Variants in CCNY observed in about 807,000 individuals in gnomAD.
CCNY encodes cyclin-Y.
CCNY carries 19 observed loss-of-function variants against 42.8 expected under a neutral mutation model. That is an observed-to-expected ratio of 0.44 (90% CI 0.31 to 0.65). The LOEUF (loss-of-function observed/expected upper bound fraction) is 0.65, where lower values mean the gene tolerates loss of function less well. CCNY is among the 30% of genes least tolerant of loss of function. The pLI is 0.07. For synonymous variants in CCNY, 165 were observed against 162.7 expected (o/e 1.01, Z -0.11); for missense variants, 370 against 437.3 (o/e 0.85, Z 1.37).
At chr10:35,379,740 G>A (rs115800294) in intron 1 of CCNY, among the ~76,000 whole-genome samples, 52 of 152,322 alleles carry the variant, frequency 3.4e-4, no homozygotes, top group African/African-American at 1.2e-3. Context: ...CAGGGATGTT[G>A]CTTTCTTTTA....
intron 1 of CCNY, among the ~76,000 whole-genome samples, chr10:35,342,676 C>T (rs550968666): frequency 5.3e-4 from 81 of 152,274 alleles, no homozygotes; most frequent in African/African-American, 1.9e-3. Context: ...GGCCAACAAC[C>T]GTGCTAATTA....
chr10:35,372,860 T>C (rs1246133507), intron 1 of CCNY, among the ~76,000 whole-genome samples: 14 of 152,102 alleles, frequency 9.2e-5, no homozygotes, highest in Non-Finnish European at 1.5e-4. Flanking sequence ...CCACCACACC[T>C]GGCTAATTTT....
intron 1 of CCNY, among the ~76,000 whole-genome samples, chr10:35,425,238 T>C (rs150600913): frequency 8.5e-5 from 13 of 152,352 alleles, no homozygotes; most frequent in African/African-American, 3.1e-4. Context: ...TTCATTTGAC[T>C]TACTCTTTGT....
At chr10:35,414,468 G>A (rs1227626551) in intron 1 of CCNY, among the ~76,000 whole-genome samples, 1 of 152,200 alleles carries the variant, frequency 6.6e-6, no homozygotes, top group African/African-American at 2.4e-5. Context: ...ACTTGCAGGG[G>A]GGAAGTCATT....
intron 3 of CCNY, among the ~76,000 whole-genome samples, chr10:35,502,958 G>A (rs1304162293): frequency 6.6e-6 from 1 of 152,172 alleles, no homozygotes; most frequent in African/African-American, 2.4e-5. Context: ...GTTCACTGCA[G>A]CTCCATGGAA....
At chr10:35,541,417 C>T (rs190758186) in intron 7 of CCNY, among the ~76,000 whole-genome samples, 38 of 152,194 alleles carry the variant, frequency 2.5e-4, no homozygotes, top group African/African-American at 8.7e-4. Flanking sequence ...ATTATTTTTG[C>T]GACGGATCTC....
chr10:35,403,622 C>T (rs927959067), intron 1 of CCNY, among the ~76,000 whole-genome samples: 1 of 152,110 alleles, frequency 6.6e-6, no homozygotes, highest in Non-Finnish European at 1.5e-5. Flanking sequence ...ATGGAGGACC[C>T]TTGCATAGTG....
intron 8 of CCNY, among the ~76,000 whole-genome samples, chr10:35,554,525 G>A (rs1035711733): frequency 1.3e-5 from 2 of 152,288 alleles, no homozygotes; most frequent in African/African-American, 4.8e-5. Context: ...ATTTGGGTGC[G>A]AGGTATAAGA....
At chr10:35,261,053 G>A (rs904899503) in intron 3 of CCNY, among the ~76,000 whole-genome samples, 1 of 152,158 alleles carries the variant, frequency 6.6e-6, no homozygotes, top group Non-Finnish European at 1.5e-5. Context: ...TGAGGCCACA[G>A]TGAGCCGTGA....
chr10:35,365,228 A>T (rs923450924), intron 1 of CCNY, among the ~76,000 whole-genome samples: 3 of 152,184 alleles, frequency 2.0e-5, no homozygotes. Context: ...AGGACTTTTG[A>T]AATTGAAAGA....
intron 1 of CCNY, among the ~76,000 whole-genome samples, chr10:35,357,813 C>T (rs1184970308): frequency 6.6e-6 from 1 of 152,130 alleles, no homozygotes; most frequent in East Asian, 1.9e-4. Context: ...TTAGGTCCTT[C>T]TGTATCTATT....
Position 35,269,627 on chromosome 10 carries a change from T to TG in CCNY, c.-9+19001_-9+19002insG, listed in dbSNP as rs1264989090. ...GCCAAGTTCGCCACTCTTTTTTTTTTTTTGTTTTGTTTTTTTTTTGAGATG... is the reference window on the plus strand; with the variant it reads ...GCCAAGTTCGCCACTCTTTTTTTTTTGTTTGTTTTGTTTTTTTTTTGAGATG... On this transcript the variant is annotated intron_variant, in intron 3 of 11. Coordinates refer to the CCNY transcript ENST00000374706. Among the ~76,000 whole-genome samples the TG allele has an allele frequency of 3.6e-4, 51 of 139,782 alleles. 1 individual carries two copies. Among genetic ancestry groups the TG allele is most frequent in the Middle Eastern group, 3.6e-3 (1 of 274 alleles). The allele number at this position is 139,782 out of a possible 152,430, so 91.7% of individuals were successfully genotyped here.
At chr10:35,499,476 C>A (rs1168506650) in intron 2 of CCNY, among the ~76,000 whole-genome samples, 1 of 152,220 alleles carries the variant, frequency 6.6e-6, no homozygotes, top group South Asian at 2.1e-4. Context: ...GGTGGGGACA[C>A]AGCCAAACCA....
At chr10:35,479,084 A>G (rs944947441) in intron 1 of CCNY, among the ~76,000 whole-genome samples, 316 of 152,160 alleles carry the variant, frequency 2.1e-3, no homozygotes, top group Middle Eastern at 3.4e-3. Context: ...TAGAATGGCA[A>G]TCATTAAAAA....
chr10:35,337,206 C>T lies in CCNY; in HGVS notation c.153C>T (p.Asp51=), dbSNP rs972065060. The change falls in exon 1 of 10, where the codon GAC becomes GAT. Residue 51 remains aspartate (D), a splice_region_variant and synonymous_variant. Transcript: ENST00000374704. ...ACATCAGCGACCGGGAGAACATAGA[C>T]GGTGAGTGCGGCCCGCCGAGCCCCC... ...LQHISDRENI[D]DLNMEFNPSD... The T allele has an allele frequency of 2.0e-5, 31 of 1,538,178 alleles. No individual in the cohort carries two copies. The highest frequency in any genetic ancestry group is 2.7e-5 in the Non-Finnish European group (31 of 1,141,732).
intron 1 of CCNY, among the ~76,000 whole-genome samples, chr10:35,419,962 T>C (rs967578390): frequency 1.3e-4 from 20 of 150,556 alleles, no homozygotes; most frequent in African/African-American, 4.7e-4. Context: ...TCAAAATAAA[T>C]GGTGCCCTTT....
intron 1 of CCNY, among the ~76,000 whole-genome samples, chr10:35,383,970 ATT>A (rs1195579157): frequency 2.0e-5 from 3 of 151,860 alleles, no homozygotes; most frequent in African/African-American, 4.8e-5. Flanking sequence ...ATATATATAT[ATT>A]AAGTAACATT....
At chr10:35,490,046 G>A (rs565277227) in intron 2 of CCNY, among the ~76,000 whole-genome samples, 5 of 152,108 alleles carry the variant, frequency 3.3e-5, no homozygotes, top group African/African-American at 9.7e-5. Flanking sequence ...GGTCTTCAGC[G>A]TATCGTGATT....
chr10:35,516,827 G>A (rs1284273110), intron 4 of CCNY, among the ~76,000 whole-genome samples: 5 of 151,698 alleles, frequency 3.3e-5, no homozygotes, highest in African/African-American at 2.4e-5. Context: ...AATGATTTTG[G>A]TAGTTAAGTG....
Sources: allele counts gnomAD v4.1 joint callset (sites outside exome capture counted in the v4.1 genomes callset), GRCh38; gene constraint gnomAD v4.1.1; transcripts MANE v1.5; gene names NCBI Gene and HGNC (gene_info 2026-07-23, HGNC 2026-07-21).